Variants in ATRNL1 observed in about 807,000 individuals in gnomAD.
The protein encoded by ATRNL1 is attractin like 1, also known as attractin-like protein 1.
A neutral mutation model predicts 182.7 loss-of-function variants in ATRNL1; 95 were observed. The ratio of observed to expected loss-of-function variants is 0.52; its 90% CI spans 0.44 to 0.62. ATRNL1 has a LOEUF of 0.62. Among genes scored for constraint, ATRNL1 ranks in the 20% least tolerant of loss-of-function variants. The pLI is 0.00. For missense variants in ATRNL1, 1,471 were observed against 1,679.5 expected, an observed-to-expected ratio of 0.88 and a Z score of 2.17; for synonymous variants, 576 against 568.3, an observed-to-expected ratio of 1.01 and a Z score of -0.19.
At chr10:115,348,040 C>T (rs1425476399) in intron 19 of ATRNL1, among the ~76,000 whole-genome samples, 3 of 152,164 alleles carry the variant, frequency 2.0e-5, no homozygotes, top group East Asian at 1.9e-4. Context: ...GTGGTATGAT[C>T]TCAGTTCACT....
In ATRNL1 at chr10:115,230,913, G is replaced by A. The variant is rs967004418; in HGVS notation, c.1533-10658G>A. Among the ~76,000 whole-genome samples the A allele has an allele frequency of 6.4e-3, 748 of 117,582 alleles. 11 individuals carry two copies. The highest frequency in any genetic ancestry group is 0.024 in the African/African-American group (672 of 28,308). 77.1% of individuals were successfully genotyped at this position (117,582 alleles called of 152,430 possible). The stretch of plus-strand genomic sequence containing the variant: ...AGAGAGAGAGAGAGAGAGAGAGAGA[G>A]AGAGAGAGAAAGAGAGAAATAGTGA... On this transcript the variant is annotated intron_variant, in intron 9 of 28. Coordinates refer to ENST00000355044, the MANE Select transcript of ATRNL1 (RefSeq NM_207303.4).
intron 19 of ATRNL1, among the ~76,000 whole-genome samples, chr10:115,361,948 CT>C (rs202096674): frequency 0.028 from 4,238 of 151,976 alleles, 88 homozygotes; most frequent in Non-Finnish European, 0.044. Flanking sequence ...ATTACTTTAC[CT>C]TTTTTATCGA....
chr10:115,937,411 T>C (rs1953593580), intron 28 of ATRNL1, among the ~76,000 whole-genome samples: 1 of 152,228 alleles, frequency 6.6e-6, no homozygotes, highest in Admixed American at 6.5e-5. Context: ...GTCATTCCAG[T>C]GTCTTCGGCA....
intron 27 of ATRNL1, among the ~76,000 whole-genome samples, chr10:115,838,412 T>C (rs1002891462): frequency 6.6e-6 from 1 of 152,194 alleles, no homozygotes; most frequent in Non-Finnish European, 1.5e-5. Context: ...GAAGAAGATA[T>C]TGTGGAAAAT....
intron 27 of ATRNL1, among the ~76,000 whole-genome samples, chr10:115,809,678 T>C (rs1950003044): frequency 6.6e-6 from 1 of 152,064 alleles, no homozygotes; most frequent in South Asian, 2.1e-4. Context: ...AAGTTATTAA[T>C]TGTAGTAGCT....
intron 24 of ATRNL1, among the ~76,000 whole-genome samples, chr10:115,501,864 C>T (rs1849858131): frequency 6.6e-6 from 1 of 152,078 alleles, no homozygotes; most frequent in Admixed American, 6.6e-5. Context: ...TCAGCTCTCC[C>T]TGTGTCCTGA....
intron 27 of ATRNL1, among the ~76,000 whole-genome samples, chr10:115,839,579 T>C (rs1950756210): frequency 6.6e-6 from 1 of 152,228 alleles, no homozygotes; most frequent in South Asian, 2.1e-4. Context: ...AAATCCTCCT[T>C]CATCATTCTC....
At chr10:115,306,659 C>T (rs1554926265) in intron 17 of ATRNL1, among the ~76,000 whole-genome samples, 1 of 151,966 alleles carries the variant, frequency 6.6e-6, no homozygotes, top group African/African-American at 2.4e-5. Context: ...ATGTTTTCTT[C>T]TCTTTACTCT....
intron 25 of ATRNL1, among the ~76,000 whole-genome samples, chr10:115,548,142 C>A (rs1306653424): frequency 2.0e-5 from 3 of 152,194 alleles, no homozygotes; most frequent in African/African-American, 4.8e-5. Context: ...ACTTCAAAAT[C>A]TCTGAGGACT....
intron 8 of ATRNL1, among the ~76,000 whole-genome samples, chr10:115,193,248 G>T (rs577362513): frequency 2.6e-5 from 4 of 152,026 alleles, no homozygotes; most frequent in African/African-American, 7.2e-5. Context: ...TCTGTACCCA[G>T]TTTTTTAGTT....
intron 28 of ATRNL1, among the ~76,000 whole-genome samples, chr10:115,921,408 C>T (rs963941141): frequency 6.6e-6 from 1 of 152,094 alleles, no homozygotes; most frequent in Admixed American, 6.6e-5. Context: ...TTTTGTATGT[C>T]AGTCATGCCT....
chr10:115,751,407 A>C (rs562269143), intron 27 of ATRNL1, among the ~76,000 whole-genome samples: 1 of 152,056 alleles, frequency 6.6e-6, no homozygotes, highest in Non-Finnish European at 1.5e-5. Flanking sequence ...ACTTGTTGCT[A>C]TAGCACTAGG....
At chr10:115,500,070 G>A (rs1304210662) in intron 24 of ATRNL1, among the ~76,000 whole-genome samples, 1 of 152,096 alleles carries the variant, frequency 6.6e-6, no homozygotes, top group African/African-American at 2.4e-5. Flanking sequence ...AAAATAGGGG[G>A]AGGAAGGGAG....
intron 18 of ATRNL1, among the ~76,000 whole-genome samples, chr10:115,327,173 G>T (rs542105529): frequency 1.3e-5 from 2 of 151,568 alleles, no homozygotes; most frequent in Admixed American, 6.6e-5. Context: ...GAAAGTTTTC[G>T]CAACCTACTC....
At chr10:115,693,414 CT>C (rs1555048786) in intron 26 of ATRNL1, among the ~76,000 whole-genome samples, 2 of 152,040 alleles carry the variant, frequency 1.3e-5, no homozygotes, top group Admixed American at 1.3e-4. Context: ...TTTTACATTT[CT>C]TCTATAGAGT....
At chr10:115,922,877 G>A (rs1396815021) in intron 28 of ATRNL1, among the ~76,000 whole-genome samples, 1 of 152,134 alleles carries the variant, frequency 6.6e-6, no homozygotes, top group East Asian at 1.9e-4. Flanking sequence ...GACCCAGTGG[G>A]ATCAAAAGAA....
At chr10:115,124,549 T>C (rs1554872780) in intron 3 of ATRNL1, among the ~76,000 whole-genome samples, 2 of 152,166 alleles carry the variant, frequency 1.3e-5, no homozygotes, top group Admixed American at 1.3e-4. Flanking sequence ...GATTGAATCA[T>C]TGGCCATGAG....
intron 28 of ATRNL1, among the ~76,000 whole-genome samples, chr10:115,916,353 G>T (rs1382614450): frequency 6.6e-6 from 1 of 152,222 alleles, no homozygotes; most frequent in Non-Finnish European, 1.5e-5. Context: ...GGCTCTGTCT[G>T]CTGTTCCACA....
chr10:115,526,786 A>G (rs1851239816), intron 25 of ATRNL1, among the ~76,000 whole-genome samples: 1 of 152,118 alleles, frequency 6.6e-6, no homozygotes, highest in African/African-American at 2.4e-5. Context: ...GGGAGGGGAG[A>G]TAATGGGAGA....
Sources: gnomAD v4.1 joint callset for allele counts (sites outside exome capture counted in the v4.1 genomes callset) on GRCh38, gnomAD v4.1.1 for gene constraint, MANE v1.5 for transcripts, NCBI Gene and HGNC (gene_info 2026-07-23, HGNC 2026-07-21) for gene names.